USP32: variants seen among roughly 807,000 people sequenced by gnomAD.
The protein encoded by USP32 is ubiquitin carboxyl-terminal hydrolase 32.
In USP32, 59 loss-of-function variants were observed where a neutral mutation model predicts 204.8. The ratio of observed to expected loss-of-function variants is 0.29; its 90% CI spans 0.23 to 0.36. The LOEUF (loss-of-function observed/expected upper bound fraction) is 0.36, where lower values mean the gene tolerates loss of function less well. USP32 is among the 10% of genes least tolerant of loss of function. The pLI, the probability that USP32 is intolerant of heterozygous loss-of-function variation, is 1.00. For synonymous variants in USP32, 517 were observed against 678.4 expected (o/e 0.76, Z 3.70); for missense variants, 1,160 against 1,946.4 (o/e 0.60, Z 7.60).
intron 1 of USP32, among the ~76,000 whole-genome samples, chr17:60,413,876 G>GAAA (rs753405307): frequency 4.2e-5 from 4 of 95,134 alleles, no homozygotes; most frequent in East Asian, 3.7e-4. Flanking sequence ...AAAAAAAAAA[G>GAAA]AAAAAAAAAA....
At chr17:60,358,359 G>A (rs1016013993) in intron 1 of USP32, among the ~76,000 whole-genome samples, 1 of 151,982 alleles carries the variant, frequency 6.6e-6, no homozygotes, top group African/African-American at 2.4e-5. Flanking sequence ...TGGATCACTT[G>A]AGGTCAGGAG....
intron 32 of USP32, 72 bp from the exon 33 acceptor site, chr17:60,180,709 T>A: frequency 7.0e-7 from 1 of 1,424,252 alleles, no homozygotes; most frequent in Non-Finnish European, 9.9e-7. Context: ...CACTAGGATC[T>A]GAGCAGGAGA....
At position 60,345,628 on chromosome 17, in the gene USP32, G is replaced by A. The variant is rs777815802; in HGVS notation, c.59-20C>T. 6.2e-7 allele frequency: 1 copy of A among 1,613,698 alleles called. No individual in the cohort carries two copies. Reference sequence around the variant, plus strand: ...CTGTAACTGCAATTCAGAAACAGAAGATGGGTAAGAAATCAGGAGAGAAAA... The same window carrying A: ...CTGTAACTGCAATTCAGAAACAGAAAATGGGTAAGAAATCAGGAGAGAAAA... On this transcript the variant is annotated intron_variant, in intron 1 of 33. Coordinates refer to ENST00000300896, the MANE Select transcript of USP32 (RefSeq NM_032582.4).
intron 1 of USP32, among the ~76,000 whole-genome samples, chr17:60,385,399 A>G (rs953924093): frequency 4.6e-5 from 7 of 152,098 alleles, no homozygotes; most frequent in African/African-American, 1.7e-4. Context: ...ATGGACGCGC[A>G]TGACAGTGTG....
intron 2 of USP32, among the ~76,000 whole-genome samples, chr17:60,341,879 T>C (rs1160061197): frequency 5.3e-5 from 8 of 152,216 alleles, no homozygotes; most frequent in Non-Finnish European, 5.9e-5. Context: ...AGTTTGTTAT[T>C]ACCAACCTTC....
Position 60,179,045 on chromosome 17 carries a change from C to G in USP32, c.*210G>C, listed in dbSNP as rs2084034291. ...TAATGGTGGGATCTGCCTGAAAGTT[C>G]TCTATCGGAGAGCTTGTATGAGACT... is the stretch of plus-strand genomic sequence containing the variant. On this transcript the variant is annotated 3_prime_UTR_variant, in exon 34 of 34. Transcript: ENST00000300896. The G allele has an allele frequency of 1.8e-6, 1 of 553,002 alleles. No homozygotes were observed. Among genetic ancestry groups the G allele is most frequent in the Non-Finnish European group, 3.0e-6 (1 of 335,056 alleles). 34.3% of individuals were successfully genotyped at this position (553,002 alleles called of 1,614,324 possible). A position where few individuals can be genotyped will look rare whatever the true frequency, so the allele number is the denominator to read the frequency against.
chr17:60,341,378 A>C (rs1229424523), intron 2 of USP32, among the ~76,000 whole-genome samples: 1 of 151,838 alleles, frequency 6.6e-6, no homozygotes, highest in Admixed American at 6.6e-5. Flanking sequence ...GTGGTGACAA[A>C]ATCTCTCAGC....
At chr17:60,375,859 C>T (rs1200640470) in intron 1 of USP32, among the ~76,000 whole-genome samples, 3 of 152,176 alleles carry the variant, frequency 2.0e-5, no homozygotes, top group Non-Finnish European at 4.4e-5. Context: ...CTGCCTGTCT[C>T]AGCCTCCCAA....
chr17:60,261,955 T>A (rs942682395), intron 9 of USP32, among the ~76,000 whole-genome samples: 6 of 152,160 alleles, frequency 3.9e-5, no homozygotes, highest in Admixed American at 1.3e-4. Flanking sequence ...ATGCATACAA[T>A]GATGATCAAA....
At chr17:60,259,372 G>T (rs2086396849) in intron 9 of USP32, among the ~76,000 whole-genome samples, 1 of 152,078 alleles carries the variant, frequency 6.6e-6, no homozygotes, top group African/African-American at 2.4e-5. Flanking sequence ...ACGTAACAAT[G>T]CTGTGATGTA....
At chr17:60,210,708 T>C (rs1255220101) in intron 21 of USP32, among the ~76,000 whole-genome samples, 1 of 152,272 alleles carries the variant, frequency 6.6e-6, no homozygotes, top group Non-Finnish European at 1.5e-5. Context: ...GCAGTTAGAA[T>C]ACTGCTAATA....
At chr17:60,340,528 C>T (rs922247344) in intron 2 of USP32, among the ~76,000 whole-genome samples, 1 of 152,202 alleles carries the variant, frequency 6.6e-6, no homozygotes, top group Non-Finnish European at 1.5e-5. Context: ...CTTGGTAGAT[C>T]TTTCTCCATC....
chr17:60,209,773 G>GT, intron 21 of USP32, among the ~76,000 whole-genome samples: 1 of 152,206 alleles, frequency 6.6e-6, no homozygotes, highest in East Asian at 1.9e-4. Context: ...GCAATACTGT[G>GT]TCCTCAGTTC....
chr17:60,420,394 G>A (rs2090101275), intron 1 of USP32, among the ~76,000 whole-genome samples: 1 of 152,142 alleles, frequency 6.6e-6, no homozygotes, highest in Admixed American at 6.6e-5. Flanking sequence ...CTGGCCGGAC[G>A]CGGTGGCTCA....
At chr17:60,211,594 A>T in intron 19 of USP32, 80 bp from the exon 20 acceptor site, 1 of 1,504,272 alleles carries the variant, frequency 6.6e-7, no homozygotes. Context: ...TTCAATGAAA[A>T]GGTTTTTTAT....
rs182625924 is a variant in USP32 at position 60,280,810 on chromosome 17, T to G, written c.571+7713A>C. Among the ~76,000 whole-genome samples, 18 of 152,330 alleles carry G rather than the reference T, an allele frequency of 1.2e-4. No individual in the cohort carries two copies. The East Asian group carries it at 3.3e-3, about 28-fold the overall frequency. On this transcript the variant is annotated intron_variant, in intron 5 of 33. Coordinates refer to ENST00000300896, the MANE Select transcript of USP32 (RefSeq NM_032582.4). ...GAAGAGCCTGCAAAGACATCAATAG[T>G]GAATTGTTTAGCCAGAATCAGACTG...
chr17:60,310,361 T>C (rs1299870185), intron 2 of USP32, among the ~76,000 whole-genome samples: 2 of 152,138 alleles, frequency 1.3e-5, no homozygotes, highest in Non-Finnish European at 2.9e-5. Context: ...AACAGATGAA[T>C]GGATAAAGAA....
intron 20 of USP32, 125 bp from the exon 21 acceptor site, chr17:60,211,243 G>A (rs2084959212): frequency 6.7e-7 from 1 of 1,500,026 alleles, no homozygotes; most frequent in African/African-American, 1.4e-5. Context: ...TGTATTCCTT[G>A]GCCTATTTCA....
chr17:60,349,618 TA>T (rs1183630117), intron 1 of USP32, among the ~76,000 whole-genome samples: 10 of 69,466 alleles, frequency 1.4e-4, no homozygotes, highest in African/African-American at 6.9e-4. Context: ...TATATATATA[TA>T]TATATTATAT....
Sources: allele counts gnomAD v4.1 joint callset (sites outside exome capture counted in the v4.1 genomes callset), GRCh38; gene constraint gnomAD v4.1.1; transcripts MANE v1.5; gene names NCBI Gene and HGNC (gene_info 2026-07-23, HGNC 2026-07-21).